OXR1: variants seen among roughly 807,000 people sequenced by gnomAD.
OXR1 encodes the protein oxidation resistance 1, also known as oxidation resistance protein 1.
OXR1 carries 41 observed loss-of-function variants against 104.6 expected under a neutral mutation model. The ratio of observed to expected loss-of-function variants is 0.39; its 90% CI spans 0.31 to 0.51. The LOEUF (loss-of-function observed/expected upper bound fraction) is 0.51. Ranked by LOEUF, OXR1 falls within the 20% of genes least tolerant of loss-of-function variation. The probability of loss-of-function intolerance (pLI) is 0.77; values close to 1 mark genes in which losing one functional copy is unlikely to be tolerated. For missense variants in OXR1, 955 were observed against 1,031.9 expected (o/e 0.93, Z 1.02); for synonymous variants, 348 against 348.4 (o/e 1.00, Z 0.01).
At chr8:106,296,842 A>T in intron 1 of OXR1, among the ~76,000 whole-genome samples, 1 of 152,240 alleles carries the variant, frequency 6.6e-6, no homozygotes, top group East Asian at 1.9e-4. Context: ...TGCCCATGCT[A>T]GTATGAGTGT....
At position 106,528,789 on chromosome 8, in the gene OXR1, G is replaced by A. The variant is rs781411885; in HGVS notation, c.220+9650G>A. Among the ~76,000 whole-genome samples the A allele has an allele frequency of 3.9e-5, 6 of 152,302 alleles. No individual in the cohort carries two copies. The East Asian group carries it at 9.6e-4, about 24-fold the overall frequency. On this transcript the variant is annotated intron_variant, in intron 3 of 16. Coordinates refer to ENST00000517566, the MANE Select transcript of OXR1 (RefSeq NM_001198533.2). ...AACTAGGTCACCACTGACCTGGAAC[G>A]TTCTCTCCAAGTTAGAAGATTCTTC...
At chr8:106,380,915 T>C (rs1007876101) in intron 2 of OXR1, among the ~76,000 whole-genome samples, 1 of 152,168 alleles carries the variant, frequency 6.6e-6, no homozygotes, top group African/African-American at 2.4e-5. Flanking sequence ...AAAGGTCAAA[T>C]ATGATTCCTG....
intron 11 of OXR1, among the ~76,000 whole-genome samples, chr8:106,725,380 G>T (rs1833233273): frequency 6.6e-6 from 1 of 152,084 alleles, no homozygotes; most frequent in Admixed American, 6.6e-5. Context: ...TAAAATGGAA[G>T]AAATTTTCAA....
At chr8:106,312,982 G>A (rs563598125) in intron 1 of OXR1, among the ~76,000 whole-genome samples, 128 of 152,220 alleles carry the variant, frequency 8.4e-4, no homozygotes, top group Middle Eastern at 3.4e-3. Flanking sequence ...ATTTTGGAAG[G>A]ACTTTCTTAT....
intron 1 of OXR1, among the ~76,000 whole-genome samples, chr8:106,274,612 A>T (rs1314805365): frequency 1.8e-5 from 1 of 56,566 alleles, no homozygotes; most frequent in African/African-American, 6.4e-5. Context: ...CCCCCCCCCG[A>T]CCCCGCCCTT....
chr8:106,282,768 G>A (rs1019994903), intron 1 of OXR1, among the ~76,000 whole-genome samples: 6 of 152,146 alleles, frequency 3.9e-5, no homozygotes, highest in East Asian at 1.9e-4. Flanking sequence ...TCTTGGGGTG[G>A]CAGAGATGGA....
intron 2 of OXR1, among the ~76,000 whole-genome samples, chr8:106,478,277 G>T (rs1821913190): frequency 6.6e-6 from 1 of 151,732 alleles, no homozygotes; most frequent in South Asian, 2.1e-4. Flanking sequence ...ATTTCACAAA[G>T]CACACTATCC....
intron 3 of OXR1, among the ~76,000 whole-genome samples, chr8:106,593,245 G>A (rs919569751): frequency 2.0e-5 from 3 of 152,084 alleles, no homozygotes; most frequent in East Asian, 1.9e-4. Flanking sequence ...AAGTATGCAC[G>A]TTGACTCCTT....
intron 3 of OXR1, among the ~76,000 whole-genome samples, chr8:106,649,727 C>T (rs1824392559): frequency 6.6e-6 from 1 of 151,962 alleles, no homozygotes. Flanking sequence ...GATGGAGTCT[C>T]GCTCTGTCGC....
intron 1 of OXR1, among the ~76,000 whole-genome samples, chr8:106,301,395 A>G (rs1813230772): frequency 6.6e-6 from 1 of 152,164 alleles, no homozygotes; most frequent in Non-Finnish European, 1.5e-5. Flanking sequence ...TGATTTCAAT[A>G]CTCAGTCAGT....
At chr8:106,642,954 T>C (rs1010378027) in intron 3 of OXR1, among the ~76,000 whole-genome samples, 1 of 152,320 alleles carries the variant, frequency 6.6e-6, no homozygotes, top group Admixed American at 6.5e-5. Flanking sequence ...ATTTAGTGGA[T>C]TCATACTTCT....
chr8:106,666,244 A>T (rs535495739), intron 3 of OXR1, among the ~76,000 whole-genome samples: 2 of 152,190 alleles, frequency 1.3e-5, no homozygotes, highest in African/African-American at 4.8e-5. Context: ...TCTGTTTTGG[A>T]TTTTTTTGAG....
chr8:106,579,808 GTTC>G (rs1453032364), intron 3 of OXR1, among the ~76,000 whole-genome samples: 4 of 151,886 alleles, frequency 2.6e-5, no homozygotes, highest in Admixed American at 2.6e-4. Flanking sequence ...AATCTGTCTA[GTTC>G]TTCAATTCAG....
At chr8:106,608,064 T>C (rs2130786193) in intron 3 of OXR1, among the ~76,000 whole-genome samples, 1 of 152,274 alleles carries the variant, frequency 6.6e-6, no homozygotes, top group African/African-American at 2.4e-5. Context: ...GGAGTATAGC[T>C]TGAGGCTAGG....
intron 2 of OXR1, among the ~76,000 whole-genome samples, chr8:106,442,305 G>C (rs1356938238): frequency 6.6e-6 from 1 of 152,148 alleles, no homozygotes; most frequent in Non-Finnish European, 1.5e-5. Context: ...TGTGCTGCTG[G>C]ATTCAGTTTG....
At chr8:106,582,604 T>C (rs752760893) in intron 3 of OXR1, among the ~76,000 whole-genome samples, 2 of 152,242 alleles carry the variant, frequency 1.3e-5, no homozygotes, top group Non-Finnish European at 2.9e-5. Flanking sequence ...AAATTCCTTA[T>C]TGAGTTTCTG....
intron 3 of OXR1, among the ~76,000 whole-genome samples, chr8:106,661,764 A>G (rs1825790556): frequency 1.3e-5 from 2 of 152,224 alleles, no homozygotes; most frequent in Non-Finnish European, 2.9e-5. Context: ...ATTTTTAGCA[A>G]TTAAAACTAT....
chr8:106,492,170 C>G (rs1358406427), intron 2 of OXR1, among the ~76,000 whole-genome samples: 1 of 152,142 alleles, frequency 6.6e-6, no homozygotes, highest in Non-Finnish European at 1.5e-5. Context: ...CCCTGAGGTG[C>G]CTGGGTCACA....
At chr8:106,462,083 G>A (rs1167870355) in intron 2 of OXR1, among the ~76,000 whole-genome samples, 1 of 152,000 alleles carries the variant, frequency 6.6e-6, no homozygotes, top group Admixed American at 6.6e-5. Flanking sequence ...TTACAGACTG[G>A]TTTTTGTTGG....
Sources: gnomAD v4.1 joint callset for allele counts (sites outside exome capture counted in the v4.1 genomes callset) on GRCh38, gnomAD v4.1.1 for gene constraint, MANE v1.5 for transcripts, NCBI Gene and HGNC (gene_info 2026-07-23, HGNC 2026-07-21) for gene names.